The following ARL3 variants were observed in gnomAD, a reference collection of about 807,000 sequenced individuals.
The protein encoded by ARL3 is ADP-ribosylation factor-like protein 3.
In ARL3, 9 loss-of-function variants were observed where a neutral mutation model predicts 26.0. The ratio of observed to expected loss-of-function variants is 0.35; its 90% CI spans 0.21 to 0.60. ARL3 has a LOEUF of 0.60. Ranked by LOEUF, ARL3 falls within the 20% of genes least tolerant of loss-of-function variation. The pLI, the probability that ARL3 is intolerant of heterozygous loss-of-function variation, is 0.78. For missense variants in ARL3, 158 were observed against 215.7 expected (o/e 0.73, Z 1.67); for synonymous variants, 71 against 78.4 (o/e 0.91, Z 0.50).
At chr10:102,709,303 A>C (rs2064326028) in intron 1 of ARL3, among the ~76,000 whole-genome samples, 1 of 151,082 alleles carries the variant, frequency 6.6e-6, no homozygotes, top group Non-Finnish European at 1.5e-5. Context: ...TTTTTCAGGC[A>C]GAGACTTGCT....
intron 1 of ARL3, among the ~76,000 whole-genome samples, chr10:102,707,439 A>G (rs775482272): frequency 1.6e-4 from 24 of 152,066 alleles, no homozygotes; most frequent in Admixed American, 6.5e-5. Context: ...TTCTAACGAC[A>G]CATGGCTAGA....
chr10:102,699,050 T>C (rs1034851870), intron 3 of ARL3, among the ~76,000 whole-genome samples: 2 of 152,216 alleles, frequency 1.3e-5, no homozygotes, highest in African/African-American at 4.8e-5. Context: ...ACTTGATTCG[T>C]TGTCTTCCTA....
intron 4 of ARL3, among the ~76,000 whole-genome samples, chr10:102,689,334 GA>G (rs991403428): frequency 4.3e-4 from 64 of 150,186 alleles, no homozygotes; most frequent in Middle Eastern, 6.9e-3. Context: ...TTGGAGGGGG[GA>G]AAAAAAAACT....
At chr10:102,694,713 G>A (rs2064238111) in intron 3 of ARL3, among the ~76,000 whole-genome samples, 1 of 151,996 alleles carries the variant, frequency 6.6e-6, no homozygotes, top group African/African-American at 2.4e-5. Flanking sequence ...TTTCTCTAAT[G>A]TATGCTGTCT....
At chr10:102,684,016 C>G (rs943844979) in intron 5 of ARL3, among the ~76,000 whole-genome samples, 9 of 152,192 alleles carry the variant, frequency 5.9e-5, no homozygotes, top group Non-Finnish European at 1.2e-4. Context: ...TTCTTCAACA[C>G]TCTGGTCAAG....
At position 102,706,739 on chromosome 10, in the gene ARL3, C is replaced by T. The variant is rs186170288; in HGVS notation, c.4-1250G>A. On this transcript the variant is annotated intron_variant, in intron 1 of 5. Transcript: ENST00000260746. Reference sequence around the variant, plus strand: ...AGGCTGGAGTGCAGTGGTGCAATCTCGGCTCAACTACAACCTCTGTCTCCT... The same window carrying T: ...AGGCTGGAGTGCAGTGGTGCAATCTTGGCTCAACTACAACCTCTGTCTCCT... Among the ~76,000 whole-genome samples the T allele has an allele frequency of 2.8e-3, 424 of 152,106 alleles. 1 individual carries two copies. Among genetic ancestry groups the T allele is most frequent in the Middle Eastern group, 0.01 (3 of 294 alleles).
At chr10:102,707,167 G>A (rs552602587) in intron 1 of ARL3, among the ~76,000 whole-genome samples, 111 of 152,122 alleles carry the variant, frequency 7.3e-4, no homozygotes, top group African/African-American at 2.6e-3. Context: ...GCATGGTGGC[G>A]CAGGCCTGTG....
chr10:102,710,619 A>T (rs2064333476), intron 1 of ARL3, among the ~76,000 whole-genome samples: 1 of 152,236 alleles, frequency 6.6e-6, no homozygotes, highest in Non-Finnish European at 1.5e-5. Flanking sequence ...CAAGTACAAC[A>T]GTGAGCAAAA....
chr10:102,710,695 A>G (rs1266155622), intron 1 of ARL3, among the ~76,000 whole-genome samples: 1 of 152,230 alleles, frequency 6.6e-6, no homozygotes, highest in Non-Finnish European at 1.5e-5. Context: ...AAGAAACATG[A>G]ACTTCAGTTA....
chr10:102,691,290 A>C (rs1443906171), intron 3 of ARL3, among the ~76,000 whole-genome samples: 1 of 97,718 alleles, frequency 1.0e-5, no homozygotes, highest in East Asian at 3.2e-4. Flanking sequence ...ACCCCACCAC[A>C]GTCCCCAGAG....
At chr10:102,712,462 TG>T (rs2064347563) in intron 1 of ARL3, among the ~76,000 whole-genome samples, 1 of 152,234 alleles carries the variant, frequency 6.6e-6, no homozygotes, top group Non-Finnish European at 1.5e-5. Context: ...AATTTCTTAT[TG>T]TTCATCTTAG....
At chr10:102,697,276 T>C (rs2064253578) in intron 3 of ARL3, among the ~76,000 whole-genome samples, 1 of 151,444 alleles carries the variant, frequency 6.6e-6, no homozygotes, top group African/African-American at 2.4e-5. Context: ...ACCTCCTGGG[T>C]TCAAGCAATT....
intron 5 of ARL3, among the ~76,000 whole-genome samples, chr10:102,680,715 C>A (rs2064152523): frequency 6.6e-6 from 1 of 152,152 alleles, no homozygotes; most frequent in Non-Finnish European, 1.5e-5. Context: ...GCAGCCATGG[C>A]TGTGTGGGCC....
At chr10:102,689,558 G>A (rs1256570498) in intron 4 of ARL3, among the ~76,000 whole-genome samples, 1 of 151,384 alleles carries the variant, frequency 6.6e-6, no homozygotes, top group Non-Finnish European at 1.5e-5. Flanking sequence ...TAGGCTGGGC[G>A]TGGTGGCTCA....
At chr10:102,711,817 A>G (rs2064342938) in intron 1 of ARL3, among the ~76,000 whole-genome samples, 1 of 152,216 alleles carries the variant, frequency 6.6e-6, no homozygotes, top group Admixed American at 6.5e-5. Flanking sequence ...AGATGATGCT[A>G]TGAGGATGAA....
intron 1 of ARL3, among the ~76,000 whole-genome samples, chr10:102,711,953 G>A (rs1025012719): frequency 6.6e-6 from 1 of 151,914 alleles, no homozygotes; most frequent in African/African-American, 2.4e-5. Context: ...AGTAACTGTT[G>A]GGAACAATCT....
intron 3 of ARL3, among the ~76,000 whole-genome samples, 167 bp from the exon 4 acceptor site, chr10:102,690,110 C>T (rs2064208967): frequency 6.6e-6 from 1 of 151,966 alleles, no homozygotes; most frequent in African/African-American, 2.4e-5. Flanking sequence ...CAAACAAATA[C>T]ACAAATTAAT....
intron 4 of ARL3, among the ~76,000 whole-genome samples, chr10:102,687,050 G>A (rs573607529): frequency 1.1e-4 from 17 of 150,440 alleles, no homozygotes; most frequent in African/African-American, 3.4e-4. Context: ...AATTTTTTTT[G>A]TATTTTTAGT....
At chr10:102,702,020 CAAAAAAA>C (rs34993485) in intron 2 of ARL3, among the ~76,000 whole-genome samples, 1 of 117,672 alleles carries the variant, frequency 8.5e-6, no homozygotes, top group African/African-American at 3.3e-5. Context: ...CCATCTCTAC[CAAAAAAA>C]AAAAAAAAAA....
Sources: allele counts gnomAD v4.1 joint callset (sites outside exome capture counted in the v4.1 genomes callset), GRCh38; gene constraint gnomAD v4.1.1; transcripts MANE v1.5; gene names NCBI Gene and HGNC (gene_info 2026-07-23, HGNC 2026-07-21).